Variants in MBTPS1 observed in about 807,000 individuals in gnomAD.
MBTPS1 encodes the protein membrane bound transcription factor peptidase, site 1, also known as membrane-bound transcription factor site-1 protease.
Under a neutral mutation model 127.8 loss-of-function variants are expected in MBTPS1, and 94 were observed. The observed-to-expected ratio is 0.74, with a 90% CI of 0.62 to 0.87. MBTPS1 has a LOEUF of 0.87. MBTPS1 is among the 40% of genes least tolerant of loss of function. MBTPS1 has a pLI of 0.00. For synonymous variants in MBTPS1, 632 were observed against 509.4 expected (o/e 1.24, Z -3.24); for missense variants, 1,636 against 1,353.2 (o/e 1.21, Z -3.28).
rs2086487565 is a variant in MBTPS1 at position 84,116,753 on chromosome 16, A to C, written c.-343T>G. On this transcript the variant is annotated 5_prime_UTR_variant, in exon 1 of 23. It removes the in-frame stop codon of an upstream open reading frame in the 5' UTR. Coordinates refer to ENST00000343411, the MANE Select transcript of MBTPS1 (RefSeq NM_003791.4). ...GACGTACCTGCGCCGCCGGGAGCTC[A>C]GGGCCGGCGGGCCCGGGATAACGGC... 1 of 152,120 alleles carries C rather than the reference A, an allele frequency of 6.6e-6. No homozygotes were observed. Among genetic ancestry groups the C allele is most frequent in the Non-Finnish European group, 1.5e-5 (1 of 68,016 alleles). The allele number at this position is 152,120 out of a possible 1,614,324, so 9.4% of individuals were successfully genotyped here. A position where few individuals can be genotyped will look rare whatever the true frequency, so the allele number is the denominator to read the frequency against.
chr16:84,110,550 T>C (rs2086384048), intron 1 of MBTPS1, among the ~76,000 whole-genome samples: 1 of 152,198 alleles, frequency 6.6e-6, no homozygotes, highest in Non-Finnish European at 1.5e-5. Context: ...AAACTTTTCG[T>C]CTAACAAATC....
chr16:84,108,539 T>G (rs1316322416), intron 1 of MBTPS1, among the ~76,000 whole-genome samples: 1 of 152,226 alleles, frequency 6.6e-6, no homozygotes, highest in African/African-American at 2.4e-5. Context: ...AGTGCTGGGA[T>G]TACAGGTGTG....
At position 84,056,262 on chromosome 16, in the gene MBTPS1, G is replaced by C. The variant is rs146584631; in HGVS notation, c.2832-127C>G. 232 of 712,588 alleles carry C rather than the reference G, an allele frequency of 3.3e-4. 3 individuals carry two copies. The East Asian group carries it at 5.8e-3, about 18-fold the overall frequency. The allele number at this position is 712,588 out of a possible 1,614,324, so 44.1% of individuals were successfully genotyped here. ...TACGGGGAGATGTGAAATGCCATTT[G>C]CGTCCACGGCCACCTAAATGCCACT... On this transcript the variant is annotated intron_variant, in intron 21 of 22. Coordinates refer to ENST00000343411, the MANE Select transcript of MBTPS1 (RefSeq NM_003791.4).
intron 1 of MBTPS1, among the ~76,000 whole-genome samples, chr16:84,111,398 G>C (rs939531262): frequency 6.6e-6 from 1 of 152,122 alleles, no homozygotes; most frequent in Non-Finnish European, 1.5e-5. Flanking sequence ...AAATTAGCTA[G>C]GTAATGGTGG....
chr16:84,076,644 C>G (rs1266223415), intron 11 of MBTPS1, among the ~76,000 whole-genome samples: 3 of 152,026 alleles, frequency 2.0e-5, no homozygotes, highest in Non-Finnish European at 1.5e-5. Flanking sequence ...AGAGAATATA[C>G]AAGAAGAGAA....
Position 84,116,862 on chromosome 16 carries a change from G to A in MBTPS1, c.-452C>T, listed in dbSNP as rs1339454302. ...CGAGACTGGGCGACCGGGCCAGCGA[G>A]GCCCACAGCTGGGAGCCTCAGCTCC... On this transcript the variant is annotated 5_prime_UTR_variant, in exon 1 of 23. Transcript: ENST00000343411. The A allele has an allele frequency of 1.3e-5, 2 of 152,288 alleles. No homozygotes were observed. Among genetic ancestry groups the A allele is most frequent in the Admixed American group, 6.5e-5 (1 of 15,290 alleles). 9.4% of individuals were successfully genotyped at this position (152,288 alleles called of 1,614,324 possible).
chr16:84,112,461 C>T (rs1388771380), intron 1 of MBTPS1, among the ~76,000 whole-genome samples: 2 of 151,398 alleles, frequency 1.3e-5, no homozygotes, highest in Non-Finnish European at 2.9e-5. Flanking sequence ...AGATCGAGAC[C>T]ATCCTGGCTA....
chr16:84,094,304 G>A (rs139438154), intron 4 of MBTPS1, among the ~76,000 whole-genome samples: 7 of 152,116 alleles, frequency 4.6e-5, no homozygotes, highest in Admixed American at 4.6e-4. Context: ...TTCCCAATAA[G>A]GACAGCAATT....
At chr16:84,087,950 G>T (rs538942634) in intron 8 of MBTPS1, among the ~76,000 whole-genome samples, 9 of 152,272 alleles carry the variant, frequency 5.9e-5, no homozygotes, top group Admixed American at 3.9e-4. Context: ...TCAGGAAGTG[G>T]TAAGTTTTCG....
chr16:84,085,546 T>C, intron 9 of MBTPS1, among the ~76,000 whole-genome samples: 1 of 141,864 alleles, frequency 7.0e-6, no homozygotes, highest in African/African-American at 2.7e-5. Context: ...CACAGTGAGA[T>C]CCTGTCCCCC....
intron 19 of MBTPS1, chr16:84,061,542 A>G (rs999782): frequency 0.57 from 86,125 of 152,102 alleles, 25,563 homozygotes; most frequent in Non-Finnish European, 0.64. Context: ...CTCCTGCTGC[A>G]TCCCAGAGGC....
Position 84,081,925 on chromosome 16 carries a change from G to C in MBTPS1, c.1287-17C>G, listed in dbSNP as rs1209028874. On this transcript the variant is annotated splice_polypyrimidine_tract_variant and intron_variant, in intron 10 of 22. Transcript: ENST00000343411. ...TGGACTGTGCTGGAGGAAAAATCAAGAATTGCCTATTTTCTCTCAGTAAAA... is the reference window on the plus strand; with the variant it reads ...TGGACTGTGCTGGAGGAAAAATCAACAATTGCCTATTTTCTCTCAGTAAAA... The C allele has an allele frequency of 7.4e-7, 1 of 1,356,846 alleles. No homozygotes were observed. Among genetic ancestry groups the C allele is most frequent in the Non-Finnish European group, 9.6e-7 (1 of 1,043,136 alleles). 84.1% of individuals were successfully genotyped at this position (1,356,846 alleles called of 1,614,324 possible). A position where few individuals can be genotyped will look rare whatever the true frequency, so the allele number is the denominator to read the frequency against.
rs1555510713 is a variant in MBTPS1 at position 84,077,249 on chromosome 16, AAGAG to A, written c.1449-2512_1449-2509del. 3.5e-4 allele frequency among the ~76,000 whole-genome samples: 49 copies of A among 138,782 alleles called. No homozygotes were observed. The Admixed American group carries it at 3.6e-3, about 10-fold the overall frequency. The allele number at this position is 138,782 out of a possible 152,430, so 91.0% of individuals were successfully genotyped here. On this transcript the variant is annotated intron_variant, in intron 11 of 22. Transcript: ENST00000343411. The stretch of plus-strand genomic sequence containing the variant: ...CATTAAAAAAGAAAAAAAAAAAAAA[AAGAG>A]AGAGAGAAAAGAAAAGAAAGAAAGA...
intron 11 of MBTPS1, among the ~76,000 whole-genome samples, chr16:84,078,800 G>A (rs181293476): frequency 6.6e-6 from 1 of 152,226 alleles, no homozygotes; most frequent in Admixed American, 6.5e-5. Flanking sequence ...CCACAGCGAT[G>A]CTATCCTTCT....
At chr16:84,083,695 T>G (rs2085975183) in intron 10 of MBTPS1, among the ~76,000 whole-genome samples, 1 of 152,226 alleles carries the variant, frequency 6.6e-6, no homozygotes, top group African/African-American at 2.4e-5. Context: ...TAAAGACATT[T>G]AATACTATTT....
intron 1 of MBTPS1, among the ~76,000 whole-genome samples, chr16:84,107,468 G>C (rs908056736): frequency 6.6e-6 from 1 of 152,146 alleles, no homozygotes; most frequent in Non-Finnish European, 1.5e-5. Flanking sequence ...GTTCCTAAAA[G>C]GTGAGCTAAA....
At chr16:84,108,697 T>C (rs949788351) in intron 1 of MBTPS1, among the ~76,000 whole-genome samples, 3 of 152,198 alleles carry the variant, frequency 2.0e-5, no homozygotes, top group Non-Finnish European at 4.4e-5. Flanking sequence ...CTTAAGAGTC[T>C]GAGCGGAGTG....
chr16:84,056,397 T>C (rs2085522227), intron 21 of MBTPS1: 2 of 362,814 alleles, frequency 5.5e-6, no homozygotes, highest in East Asian at 1.1e-4. Context: ...GAGCCTGTTT[T>C]TGCATAAAGC....
Position 84,113,695 on chromosome 16 carries a change from T to A in MBTPS1, c.-325+3040A>T, listed in dbSNP as rs548662260. Among the ~76,000 whole-genome samples the A allele has an allele frequency of 2.2e-4, 34 of 152,322 alleles. No individual in the cohort carries two copies. The South Asian group carries it at 6.8e-3, about 31-fold the overall frequency. ...ATAATTAGAACATAATTTAGGTGAG[T>A]GAAAATGACTTGTATCACCCGACAA... On this transcript the variant is annotated intron_variant, in intron 1 of 22. Coordinates refer to ENST00000343411, the MANE Select transcript of MBTPS1 (RefSeq NM_003791.4).
Sources: gnomAD v4.1 joint callset for allele counts (sites outside exome capture counted in the v4.1 genomes callset) on GRCh38, gnomAD v4.1.1 for gene constraint, MANE v1.5 for transcripts, NCBI Gene and HGNC (gene_info 2026-07-23, HGNC 2026-07-21) for gene names.